The following LRRC4C variants were observed in gnomAD, a reference collection of about 807,000 sequenced individuals.
LRRC4C encodes the protein leucine rich repeat containing 4C, also known as leucine-rich repeat-containing protein 4C.
Under a neutral mutation model 33.6 loss-of-function variants are expected in LRRC4C, and 5 were observed. The ratio of observed to expected loss-of-function variants is 0.15; its 90% CI spans 0.08 to 0.31. The LOEUF (loss-of-function observed/expected upper bound fraction) is 0.31, where lower values mean the gene tolerates loss of function less well. LRRC4C is among the 10% of genes least tolerant of loss of function. The probability of loss-of-function intolerance (pLI) is 1.00; values close to 1 mark genes in which losing one functional copy is unlikely to be tolerated. For synonymous variants in LRRC4C, 329 were observed against 302.0 expected (o/e 1.09, Z -0.93); for missense variants, 560 against 796.7 (o/e 0.70, Z 3.58).
intron 3 of LRRC4C, among the ~76,000 whole-genome samples, chr11:40,356,970 T>C (rs1228615199): frequency 6.6e-6 from 1 of 152,174 alleles, no homozygotes; most frequent in Admixed American, 6.6e-5. Context: ...AAGTAACTTG[T>C]TCAAGGTCAC....
chr11:41,439,756 T>G (rs1419646634), intron 1 of LRRC4C, among the ~76,000 whole-genome samples: 1 of 152,208 alleles, frequency 6.6e-6, no homozygotes, highest in Non-Finnish European at 1.5e-5. Flanking sequence ...GGTGGCTGTG[T>G]GGAAAGTCCC....
intron 1 of LRRC4C, among the ~76,000 whole-genome samples, chr11:41,226,483 G>A (rs930753495): frequency 8.5e-5 from 13 of 152,060 alleles, no homozygotes; most frequent in South Asian, 2.1e-4. Flanking sequence ...GCTAAGAGAC[G>A]TAAACTCCCC....
chr11:41,304,659 C>A lies in LRRC4C; in HGVS notation c.-496+154772G>T, dbSNP rs527635345. ...CCTCCGCCCAGCCAGCCGCCCCATC[C>A]GGGAGGGAGGTTGGGGGGTCAGCCC... On this transcript the variant is annotated intron_variant, in intron 1 of 6. Coordinates refer to ENST00000528697, the MANE Select transcript of LRRC4C (RefSeq NM_001258419.2). 3.0e-4 allele frequency among the ~76,000 whole-genome samples: 32 copies of A among 105,428 alleles called. 3 individuals are homozygous for A. Among genetic ancestry groups the A allele is most frequent in the African/African-American group, 1.2e-3 (32 of 26,808 alleles). The allele number at this position is 105,428 out of a possible 152,430, so 69.2% of individuals were successfully genotyped here. A position where few individuals can be genotyped will look rare whatever the true frequency, so the allele number is the denominator to read the frequency against.
At chr11:40,503,423 G>A (rs1250900568) in intron 3 of LRRC4C, among the ~76,000 whole-genome samples, 1 of 152,106 alleles carries the variant, frequency 6.6e-6, no homozygotes, top group Non-Finnish European at 1.5e-5. Flanking sequence ...TGTCTTTCTA[G>A]GTATTGAGCT....
rs145244876 is a variant in LRRC4C at position 40,146,690 on chromosome 11, T to G, written c.-95-5837A>C. On this transcript the variant is annotated intron_variant, in intron 5 of 6. Coordinates refer to ENST00000528697, the MANE Select transcript of LRRC4C (RefSeq NM_001258419.2). ...ATAGTCCTCCTGGTTTACATTATTC[T>G]GAAACAATATTCCTTATCCTCAGAT... 2.5e-3 allele frequency among the ~76,000 whole-genome samples: 388 copies of G among 152,300 alleles called. 2 individuals are homozygous for G. Among genetic ancestry groups the G allele is most frequent in the Non-Finnish European group, 4.5e-3 (308 of 68,004 alleles).
chr11:40,258,024 A>G (rs1430889752), intron 4 of LRRC4C, among the ~76,000 whole-genome samples: 4 of 152,190 alleles, frequency 2.6e-5, no homozygotes, highest in Non-Finnish European at 4.4e-5. Flanking sequence ...GAAATTTCTA[A>G]AATTACAAGG....
intron 3 of LRRC4C, among the ~76,000 whole-genome samples, chr11:40,438,926 C>CTTTTTTTTTTTTTTTT (rs869144067): frequency 9.4e-6 from 1 of 106,902 alleles, no homozygotes; most frequent in Admixed American, 1.1e-4. Flanking sequence ...TGAATTGCTA[C>CTTTTTTTTTTTTTTTT]TTTTTTTTTT....
chr11:41,349,434 T>G (rs2137550715), intron 1 of LRRC4C, among the ~76,000 whole-genome samples: 1 of 152,018 alleles, frequency 6.6e-6, no homozygotes, highest in East Asian at 1.9e-4. Context: ...CAGCATATGC[T>G]TAAACTTAAG....
chr11:40,331,973 A>C (rs146637527), intron 3 of LRRC4C, among the ~76,000 whole-genome samples: 1 of 152,340 alleles, frequency 6.6e-6, no homozygotes, highest in African/African-American at 2.4e-5. Context: ...AGAGAACCCT[A>C]GTGAATACAG....
intron 3 of LRRC4C, among the ~76,000 whole-genome samples, chr11:40,376,668 T>C (rs1313016723): frequency 1.3e-5 from 2 of 152,010 alleles, no homozygotes; most frequent in African/African-American, 2.4e-5. Context: ...AAGTGTTCCT[T>C]AGCACCCAGA....
chr11:40,440,840 A>AATT (rs1246372595), intron 3 of LRRC4C, among the ~76,000 whole-genome samples: 1 of 148,848 alleles, frequency 6.7e-6, no homozygotes, highest in African/African-American at 2.5e-5. Context: ...TTTTGTGCAC[A>AATT]GCTGCAATCT....
At position 41,090,241 on chromosome 11, in the gene LRRC4C, GGA is replaced by G. The variant is rs1024190749; in HGVS notation, c.-495-156520_-495-156519del. 2.0e-4 allele frequency among the ~76,000 whole-genome samples: 31 copies of G among 152,146 alleles called. 1 individual carries two copies. Among genetic ancestry groups the G allele is most frequent in the Middle Eastern group, 3.4e-3 (1 of 294 alleles). On this transcript the variant is annotated intron_variant, in intron 1 of 6. Transcript: ENST00000528697. Reference sequence around the variant, plus strand: ...TAAAGAGTATGCATGGTATGTGAGAGGAGAGAGAAACAGAGAGAGGGAGTAAT... The same window carrying G: ...TAAAGAGTATGCATGGTATGTGAGAGGAGAGAAACAGAGAGAGGGAGTAAT...
At chr11:40,828,810 A>T (rs1226971270) in intron 2 of LRRC4C, among the ~76,000 whole-genome samples, 2 of 151,936 alleles carry the variant, frequency 1.3e-5, no homozygotes, top group East Asian at 3.9e-4. Context: ...GTTATTAAGT[A>T]TCTTAGAATG....
chr11:40,719,054 A>G (rs2136663436), intron 2 of LRRC4C, among the ~76,000 whole-genome samples: 1 of 152,322 alleles, frequency 6.6e-6, no homozygotes, highest in East Asian at 1.9e-4. Flanking sequence ...TGAAATTCAC[A>G]GAAGCCAACA....
intron 1 of LRRC4C, among the ~76,000 whole-genome samples, chr11:41,151,970 C>T (rs1944019102): frequency 6.6e-6 from 1 of 152,144 alleles, no homozygotes; most frequent in Non-Finnish European, 1.5e-5. Context: ...GCAGCTAGTA[C>T]TGCAGAGGAG....
chr11:40,788,469 A>C (rs985068254), intron 2 of LRRC4C, among the ~76,000 whole-genome samples: 3 of 152,166 alleles, frequency 2.0e-5, no homozygotes, highest in Non-Finnish European at 4.4e-5. Context: ...TCATTCAATA[A>C]AACTGCCATC....
At chr11:41,370,576 C>T (rs1352956642) in intron 1 of LRRC4C, among the ~76,000 whole-genome samples, 1 of 152,134 alleles carries the variant, frequency 6.6e-6, no homozygotes, top group East Asian at 1.9e-4. Flanking sequence ...GTAAGAAGCG[C>T]CTTTCTCCTC....
chr11:40,700,588 C>T (rs3924226), intron 2 of LRRC4C, among the ~76,000 whole-genome samples: 49,936 of 151,644 alleles, frequency 0.33, 8,260 homozygotes, highest in East Asian at 0.43. Context: ...CAGGGAGACT[C>T]TGTTACTTGC....
chr11:41,050,353 T>A (rs1346234890), intron 1 of LRRC4C, among the ~76,000 whole-genome samples: 1 of 152,140 alleles, frequency 6.6e-6, no homozygotes, highest in African/African-American at 2.4e-5. Context: ...TACGTAGCTA[T>A]ACATGGGTGG....
Sources: allele counts gnomAD v4.1 joint callset (sites outside exome capture counted in the v4.1 genomes callset), GRCh38; gene constraint gnomAD v4.1.1; transcripts MANE v1.5; gene names NCBI Gene and HGNC (gene_info 2026-07-23, HGNC 2026-07-21).